The following VIT variants were observed in gnomAD, a reference collection of about 807,000 sequenced individuals.
The protein encoded by VIT is vitrin.
A neutral mutation model predicts 78.0 loss-of-function variants in VIT; 99 were observed. That is an observed-to-expected ratio of 1.27 (90% CI 1.08 to 1.50). The LOEUF (loss-of-function observed/expected upper bound fraction) is 1.50. Ranked by LOEUF, VIT falls within the 40% of genes most tolerant of loss-of-function variation. The pLI, the probability that VIT is intolerant of heterozygous loss-of-function variation, is 0.00. For synonymous variants in VIT, 374 were observed against 334.3 expected, an observed-to-expected ratio of 1.12 and a Z score of -1.29; for missense variants, 1,126 against 875.3, an observed-to-expected ratio of 1.29 and a Z score of -3.61.
chr2:36,716,331 G>A lies in VIT; in HGVS notation c.-18-22G>A, dbSNP rs755776482. The A allele has an allele frequency of 3.4e-5, 55 of 1,603,328 alleles. No homozygotes were observed. In the East Asian group the frequency reaches 8.5e-4, roughly 25 times the overall value. ...GAACCCCCGGCTGAAATATGATGACGTTATTGTTTCTTTCTCTCCAGGGTG... is the reference window on the plus strand; with the variant it reads ...GAACCCCCGGCTGAAATATGATGACATTATTGTTTCTTTCTCTCCAGGGTG... On this transcript the variant is annotated intron_variant, in intron 1 of 15. Transcript: ENST00000379242.
intron 2 of VIT, among the ~76,000 whole-genome samples, chr2:36,724,143 C>T (rs7608202): frequency 0.44 from 66,983 of 151,626 alleles, 16,826 homozygotes; most frequent in Admixed American, 0.6. Flanking sequence ...CTCAGCCTCC[C>T]GAGTAGCTGG....
At chr2:36,810,759 G>A (rs1317070090) in intron 15 of VIT, among the ~76,000 whole-genome samples, 3 of 151,716 alleles carry the variant, frequency 2.0e-5, no homozygotes, top group Non-Finnish European at 2.9e-5. Flanking sequence ...TCAGCCTCCC[G>A]AGTAGCTGGG....
chr2:36,698,667 G>T (rs1664823053), intron 1 of VIT, among the ~76,000 whole-genome samples: 1 of 152,186 alleles, frequency 6.6e-6, no homozygotes. Context: ...ATCTTGGCCT[G>T]GCGCAGTGGC....
intron 12 of VIT, among the ~76,000 whole-genome samples, chr2:36,799,814 A>G (rs1300100467): frequency 6.6e-6 from 1 of 152,160 alleles, no homozygotes; most frequent in Non-Finnish European, 1.5e-5. Flanking sequence ...TTGGAAGGCC[A>G]AGGCAGGCAG....
chr2:36,738,925 A>G (rs1667669720), intron 3 of VIT, among the ~76,000 whole-genome samples: 1 of 152,194 alleles, frequency 6.6e-6, no homozygotes, highest in Non-Finnish European at 1.5e-5. Context: ...AGAAAAATGG[A>G]TAAGAATGCT....
At position 36,743,209 on chromosome 2, in the gene VIT, T is replaced by G. The variant is rs764523606; in HGVS notation, c.228T>G (p.Thr76=). 3.7e-6 allele frequency: 6 copies of G among 1,613,990 alleles called. No homozygotes were observed. In the Admixed American group the frequency reaches 6.7e-5, roughly 18 times the overall value. The part of the protein sequence containing the change: ...CQDPKYHVYG[T]DVYASYSSVC... ...ACCCCAAATACCATGTTTATGGCAC[T>G]GACGTGTATGCATCCTACTCCAGTG... The change falls in exon 4 of 16, where the codon ACT becomes ACG. Residue 76 remains threonine (T), a synonymous_variant. Transcript: ENST00000379242.
chr2:36,801,243 C>T, intron 12 of VIT, 58 bp from the exon 13 acceptor site: 2 of 1,443,960 alleles, frequency 1.4e-6, no homozygotes, highest in East Asian at 2.3e-5. Context: ...TGATCTCTGC[C>T]TTCCTCCAAA....
At chr2:36,812,370 C>A (rs969539468) in intron 15 of VIT, among the ~76,000 whole-genome samples, 8 of 152,060 alleles carry the variant, frequency 5.3e-5, no homozygotes, top group African/African-American at 1.4e-4. Context: ...TGTTTCATGG[C>A]CATTTTGCTT....
At chr2:36,778,751 C>T (rs1256716416) in intron 9 of VIT, among the ~76,000 whole-genome samples, 2 of 152,148 alleles carry the variant, frequency 1.3e-5, no homozygotes, top group Non-Finnish European at 2.9e-5. Context: ...CTCCCCACTT[C>T]GGTACAGCAA....
intron 2 of VIT, among the ~76,000 whole-genome samples, chr2:36,717,675 A>G (rs1047727428): frequency 2.6e-5 from 4 of 152,194 alleles, no homozygotes; most frequent in Non-Finnish European, 5.9e-5. Flanking sequence ...GTAATCTTCC[A>G]TTAAGCTTGG....
intron 2 of VIT, among the ~76,000 whole-genome samples, chr2:36,722,952 T>C (rs1438919280): frequency 6.6e-6 from 1 of 151,294 alleles, no homozygotes; most frequent in Non-Finnish European, 1.5e-5. Flanking sequence ...ATTTATCATT[T>C]ATATAAGATT....
chr2:36,746,677 G>C (rs1668155690), intron 4 of VIT, among the ~76,000 whole-genome samples: 1 of 151,894 alleles, frequency 6.6e-6, no homozygotes, highest in Non-Finnish European at 1.5e-5. Context: ...GTGCATTTTT[G>C]GGTCTTCTTT....
chr2:36,809,192 T>C (rs1486355370), intron 15 of VIT, among the ~76,000 whole-genome samples: 1 of 152,128 alleles, frequency 6.6e-6, no homozygotes, highest in East Asian at 1.9e-4. Flanking sequence ...GGCAGCAAGG[T>C]GGTCTCCTAA....
intron 15 of VIT, among the ~76,000 whole-genome samples, chr2:36,813,229 C>T (rs1354820128): frequency 6.6e-6 from 1 of 151,724 alleles, no homozygotes; most frequent in Non-Finnish European, 1.5e-5. Context: ...GCAGGAGGAT[C>T]ACTTGAGGTC....
At chr2:36,729,540 A>G (rs779196429) in intron 3 of VIT, 49 bp downstream of exon 3, 8 of 1,556,998 alleles carry the variant, frequency 5.1e-6, no homozygotes, top group Non-Finnish European at 6.1e-6. Context: ...TTTCTCCCAC[A>G]TGGAGGGTTA....
rs780412717 is a variant in VIT at position 36,767,082 on chromosome 2, A to G, written c.488-12A>G. ...ATTTTGTGGGCCTTGGTATAATTCC[A>G]TTTTCTTACAGGTGAGACCACAAAA... is the stretch of plus-strand genomic sequence containing the variant. On this transcript the variant is annotated splice_polypyrimidine_tract_variant and intron_variant, in intron 6 of 15. Coordinates refer to ENST00000379242, the MANE Select transcript of VIT (RefSeq NM_053276.4). 1.9e-6 allele frequency: 3 copies of G among 1,567,468 alleles called. No homozygotes were observed. The highest frequency in any genetic ancestry group is 2.4e-5 in the South Asian group (2 of 84,152).
intron 4 of VIT, among the ~76,000 whole-genome samples, chr2:36,751,018 G>A (rs1161183046): frequency 1.3e-5 from 2 of 152,154 alleles, no homozygotes; most frequent in East Asian, 3.9e-4. Context: ...CCAACACTTT[G>A]GGAGGCCAAG....
chr2:36,783,534 C>T, intron 11 of VIT, 132 bp downstream of exon 11: 1 of 835,924 alleles, frequency 1.2e-6, no homozygotes. Flanking sequence ...TCTTCTGACA[C>T]CTTGTTCTAA....
At chr2:36,802,484 G>A (rs1241927705) in intron 13 of VIT, among the ~76,000 whole-genome samples, 1 of 152,168 alleles carries the variant, frequency 6.6e-6, no homozygotes, top group Non-Finnish European at 1.5e-5. Flanking sequence ...TCCCACTTCA[G>A]TGTATGTCTC....
Sources: allele counts gnomAD v4.1 joint callset (sites outside exome capture counted in the v4.1 genomes callset), GRCh38; gene constraint gnomAD v4.1.1; transcripts MANE v1.5; gene names NCBI Gene and HGNC (gene_info 2026-07-23, HGNC 2026-07-21).